MCM5: variants seen among roughly 807,000 people sequenced by gnomAD.
MCM5 encodes minichromosome maintenance complex component 5.
Under a neutral mutation model 79.9 loss-of-function variants are expected in MCM5, and 46 were observed. The ratio of observed to expected loss-of-function variants is 0.58; its 90% CI spans 0.45 to 0.74. MCM5 has a LOEUF of 0.74. Among genes scored for constraint, MCM5 ranks in the 30% least tolerant of loss-of-function variants. MCM5 has a pLI of 0.00. For synonymous variants in MCM5, 404 were observed against 390.5 expected (o/e 1.03, Z -0.41); for missense variants, 883 against 1,017.0 (o/e 0.87, Z 1.79).
chr22:35,434,839 A>G, the MCM5 span, among the ~76,000 whole-genome samples: 1 of 152,074 alleles, frequency 6.6e-6, no homozygotes, highest in South Asian at 2.1e-4. Context: ...TTTGGGTGGG[A>G]GGGGGAAACT....
At chr22:35,409,500 G>T (rs972809101) in intron 6 of MCM5, 5 of 152,258 alleles carry the variant, frequency 3.3e-5, no homozygotes, top group African/African-American at 1.2e-4. Flanking sequence ...CTTGACCCCA[G>T]AAGGTTGAGG....
In MCM5 at chr22:35,412,475, T is replaced by G. The variant is rs566984721; in HGVS notation, c.920-35T>G. On this transcript the variant is annotated intron_variant, in intron 7 of 16. Coordinates refer to ENST00000216122, the MANE Select transcript of MCM5 (RefSeq NM_006739.4). ...TGGGCAGTGGGCTGGAAGAGCTCCC[T>G]TGTACTCACTCATGCGCCTGCTTTG... 39 of 1,487,628 alleles carry G rather than the reference T, an allele frequency of 2.6e-5. 1 individual carries two copies. In the South Asian group the frequency reaches 4.8e-4, roughly 18 times the overall value. 92.2% of individuals were successfully genotyped at this position (1,487,628 alleles called of 1,614,324 possible). A position where few individuals can be genotyped will look rare whatever the true frequency, so the allele number is the denominator to read the frequency against.
chr22:35,422,987 G>A (rs929059245), intron 15 of MCM5: 2 of 388,386 alleles, frequency 5.1e-6, no homozygotes, highest in South Asian at 8.7e-5. Context: ...GAATGAGACA[G>A]GTGTGTTCCT....
chr22:35,453,817 TATAG>T, the MCM5 span, among the ~76,000 whole-genome samples: 174 of 78,274 alleles, frequency 2.2e-3, no homozygotes, highest in Non-Finnish European at 2.8e-3. Flanking sequence ...TATATATATA[TATAG>T]AGAGAGAGAG....
chr22:35,401,597 G>C (rs962467919), intron 2 of MCM5: 5 of 470,774 alleles, frequency 1.1e-5, no homozygotes, highest in African/African-American at 1.0e-4. Flanking sequence ...ACTTCCAGGT[G>C]TCAGTGTCTC....
intron 1 of MCM5, 100 bp downstream of exon 1, chr22:35,400,308 G>A: frequency 9.9e-7 from 1 of 1,008,746 alleles, no homozygotes; most frequent in Non-Finnish European, 1.5e-6. Context: ...AACTGGGGTT[G>A]GAGTCCGGGA....
downstream of MCM5, among the ~76,000 whole-genome samples, chr22:35,429,305 G>T (rs533088164): frequency 1.3e-5 from 2 of 151,350 alleles, no homozygotes; most frequent in Non-Finnish European, 2.9e-5. Context: ...TGAAATGCTA[G>T]GTCCTAAGGT....
chr22:35,444,210 A>C, the MCM5 span, among the ~76,000 whole-genome samples: 1 of 150,076 alleles, frequency 6.7e-6, no homozygotes, highest in Non-Finnish European at 1.5e-5. Context: ...GAGAGAGGAA[A>C]GGGGAGGAGG....
At chr22:35,421,496 T>C in intron 15 of MCM5, 36 bp downstream of exon 15, 1 of 1,613,494 alleles carries the variant, frequency 6.2e-7, no homozygotes, top group Non-Finnish European at 8.5e-7. Flanking sequence ...TCAATTGATC[T>C]GGGTTCCCTG....
intron 16 of MCM5, chr22:35,423,549 G>A: frequency 2.2e-6 from 1 of 448,990 alleles, no homozygotes; most frequent in East Asian, 3.9e-5. Flanking sequence ...TATTTTTTCT[G>A]TCCCACGAAG....
the MCM5 span, among the ~76,000 whole-genome samples, chr22:35,437,994 C>T: frequency 6.6e-6 from 1 of 152,122 alleles, no homozygotes; most frequent in Non-Finnish European, 1.5e-5. Flanking sequence ...CTGTCGTTTC[C>T]CCTTGTCCTC....
intron 2 of MCM5, among the ~76,000 whole-genome samples, chr22:35,400,889 G>T (rs1439237408): frequency 6.6e-6 from 1 of 152,138 alleles, no homozygotes; most frequent in Non-Finnish European, 1.5e-5. Flanking sequence ...GCACGATCTC[G>T]GCTCACTGCA....
chr22:35,453,173 C>T, the MCM5 span, among the ~76,000 whole-genome samples: 17 of 152,346 alleles, frequency 1.1e-4, no homozygotes, highest in Middle Eastern at 0.01. Context: ...TGACACGACA[C>T]GGGCCTGCCC....
the MCM5 span, among the ~76,000 whole-genome samples, chr22:35,451,504 G>A: frequency 1.3e-5 from 2 of 152,258 alleles, no homozygotes; most frequent in African/African-American, 4.8e-5. Flanking sequence ...CATCTCCAGA[G>A]TTCTCTGACT....
chr22:35,447,617 C>T, the MCM5 span, among the ~76,000 whole-genome samples: 1 of 152,112 alleles, frequency 6.6e-6, no homozygotes, highest in Admixed American at 6.5e-5. Flanking sequence ...GGACTATGCA[C>T]ACACATCACC....
chr22:35,432,378 G>A, the MCM5 span, among the ~76,000 whole-genome samples: 2 of 152,168 alleles, frequency 1.3e-5, no homozygotes, highest in Non-Finnish European at 2.9e-5. Flanking sequence ...GTCTAGCGGG[G>A]AGTACAGGTG....
chr22:35,435,536 C>T, the MCM5 span, among the ~76,000 whole-genome samples: 9 of 152,228 alleles, frequency 5.9e-5, no homozygotes, highest in African/African-American at 1.9e-4. Context: ...GGTGACCAGA[C>T]TCTCGGGGAG....
downstream of MCM5, among the ~76,000 whole-genome samples, chr22:35,428,980 T>TC (rs973635013): frequency 6.4e-5 from 9 of 140,244 alleles, no homozygotes; most frequent in Non-Finnish European, 1.2e-4. Flanking sequence ...CTTTTTTTTT[T>TC]TTTTTTTTTT....
At chr22:35,409,987 A>G (rs1932328982) in intron 6 of MCM5, 1 of 152,414 alleles carries the variant, frequency 6.6e-6, no homozygotes, top group Non-Finnish European at 1.5e-5. Flanking sequence ...CGAAGTGGGT[A>G]TGGGAAGAGG....
Sources: allele counts gnomAD v4.1 joint callset (sites outside exome capture counted in the v4.1 genomes callset), GRCh38; gene constraint gnomAD v4.1.1; transcripts MANE v1.5; gene names NCBI Gene and HGNC (gene_info 2026-07-23, HGNC 2026-07-21).